Variants in UBQLN1 observed in about 807,000 individuals in gnomAD.
UBQLN1 encodes the protein ubiquilin 1.
A neutral mutation model predicts 65.4 loss-of-function variants in UBQLN1; 13 were observed. The ratio of observed to expected loss-of-function variants is 0.20; its 90% confidence interval spans 0.13 to 0.32. The LOEUF (loss-of-function observed/expected upper bound fraction) is 0.32, where lower values mean the gene tolerates loss of function less well. Among genes scored for constraint, UBQLN1 ranks in the 10% least tolerant of loss-of-function variants. The probability of loss-of-function intolerance (pLI) is 1.00; values close to 1 mark genes in which losing one functional copy is unlikely to be tolerated. For synonymous variants in UBQLN1, 267 were observed against 247.8 expected (o/e 1.08, Z -0.73); for missense variants, 561 against 724.0 (o/e 0.77, Z 2.58).
intron 1 of UBQLN1, among the ~76,000 whole-genome samples, chr9:83,687,774 A>C (rs534279397): frequency 5.9e-5 from 9 of 151,682 alleles, no homozygotes; most frequent in Non-Finnish European, 1.2e-4. Flanking sequence ...AGCCAATATA[A>C]ACAACTGATT....
At chr9:83,697,210 G>T (rs1186309369) in intron 1 of UBQLN1, among the ~76,000 whole-genome samples, 1 of 149,912 alleles carries the variant, frequency 6.7e-6, no homozygotes, top group East Asian at 2.0e-4. Context: ...GTATGAATTT[G>T]ATCACATTAT....
intron 6 of UBQLN1, 92 bp downstream of exon 6, chr9:83,677,635 A>G (rs1224689389): frequency 1.1e-6 from 1 of 901,462 alleles, no homozygotes; most frequent in South Asian, 1.8e-5. Flanking sequence ...CTATACATAC[A>G]CACAAAAGCA....
At position 83,704,587 on chromosome 9, in the gene UBQLN1, G is replaced by C. The variant is rs529512769; in HGVS notation, c.180+2913C>G. On this transcript the variant is annotated intron_variant, in intron 1 of 10. Coordinates refer to ENST00000376395, the MANE Select transcript of UBQLN1 (RefSeq NM_013438.5). ...CACACCTGTAATCCTAGCACTTTGG[G>C]AAGCCGAGGCAGGCGGATCACAAGA... is the stretch of plus-strand genomic sequence containing the variant. Among the ~76,000 whole-genome samples, 1,293 of 152,254 alleles carry C rather than the reference G, an allele frequency of 8.5e-3. 21 individuals carry two copies. The highest frequency in any genetic ancestry group is 0.029 in the African/African-American group (1,202 of 41,532).
At chr9:83,705,228 C>T (rs958975988) in intron 1 of UBQLN1, among the ~76,000 whole-genome samples, 26 of 149,042 alleles carry the variant, frequency 1.7e-4, no homozygotes, top group Non-Finnish European at 1.8e-4. Flanking sequence ...AGTATATGTG[C>T]TGCTGAAGCC....
chr9:83,703,822 A>G (rs1313101070), intron 1 of UBQLN1, among the ~76,000 whole-genome samples: 2 of 152,222 alleles, frequency 1.3e-5, no homozygotes. Context: ...ATAGCACTGT[A>G]AAAAATTAAG....
chr9:83,707,390 G>C, intron 1 of UBQLN1, 110 bp downstream of exon 1: 10 of 1,221,616 alleles, frequency 8.2e-6, no homozygotes, highest in Non-Finnish European at 1.1e-5. Flanking sequence ...ACGCCCGGGA[G>C]AATGGCCGAG....
In UBQLN1 at chr9:83,682,999, T is replaced by C. The variant is rs1204914458; in HGVS notation, c.400A>G (p.Asn134Asp). Residue 134 changes from asparagine (N) to aspartate (D), a missense_variant, in exon 3 of 11, where the codon AAT becomes GAT. This residue lies in a region of UBQLN1 where 87 missense variants were observed against 88.8 expected (regional missense o/e 0.98). Transcript: ENST00000376395. Reference protein sequence around the residue: ...GSNVTTSSTPNSNSTSGSATS... With the variant: ...GSNVTTSSTPDSNSTSGSATS... The stretch of plus-strand genomic sequence containing the variant: ...GCAGAACCAGATGTAGAGTTACTAT[T>C]AGGAGTTGATGATGTAGTAACATTG... The C allele has an allele frequency of 1.2e-6, 2 of 1,612,732 alleles. No homozygotes were observed. Among genetic ancestry groups the C allele is most frequent in the African/African-American group, 1.3e-5 (1 of 75,008 alleles).
At position 83,698,274 on chromosome 9, in the gene UBQLN1, GA is replaced by G. The variant is rs1832253732; in HGVS notation, c.180+9225del. 8.5e-5 allele frequency among the ~76,000 whole-genome samples: 13 copies of G among 152,228 alleles called. 1 individual carries two copies. The South Asian group carries it at 2.7e-3, about 32-fold the overall frequency. ...TGGCTGAAATGCAATGAAAACAGGA[GA>G]AAAGGCAGGTGGAAGCACATCCTGA... On this transcript the variant is annotated intron_variant, in intron 1 of 10. Coordinates refer to ENST00000376395, the MANE Select transcript of UBQLN1 (RefSeq NM_013438.5).
chr9:83,666,214 C>T (rs1831640747), intron 8 of UBQLN1, 136 bp downstream of exon 8: 1 of 743,772 alleles, frequency 1.3e-6, no homozygotes, highest in Non-Finnish European at 2.2e-6. Context: ...AAGCTGAATT[C>T]TCTACGAATT....
chr9:83,662,979 G>A (rs1431001461), intron 10 of UBQLN1, among the ~76,000 whole-genome samples: 2 of 151,996 alleles, frequency 1.3e-5, no homozygotes, highest in African/African-American at 4.8e-5. Context: ...CAGAGGCTAA[G>A]GTGGGAGGAT....
intron 10 of UBQLN1, 109 bp from the exon 11 acceptor site, chr9:83,662,048 A>T: frequency 1.0e-6 from 1 of 991,648 alleles, no homozygotes; most frequent in Non-Finnish European, 1.4e-6. Context: ...TGATCTACTG[A>T]GCTTTAAAAA....
intron 1 of UBQLN1, 123 bp from the exon 2 acceptor site, chr9:83,686,278 A>G: frequency 3.1e-6 from 2 of 637,308 alleles, no homozygotes; most frequent in Non-Finnish European, 4.8e-6. Flanking sequence ...CATAATCCCA[A>G]TGTTCCAGGA....
Position 83,677,925 on chromosome 9 carries a change from T to C in UBQLN1, c.907A>G (p.Thr303Ala). The C allele has an allele frequency of 6.2e-7, 1 of 1,614,058 alleles. No homozygotes were observed. The highest frequency in any genetic ancestry group is 8.5e-7 in the Non-Finnish European group (1 of 1,179,960). Residue 303 changes from threonine to alanine, a missense_variant, in exon 6 of 11, where the codon ACA (threonine) becomes GCA (alanine). Transcript: ENST00000376395. ...GGTTGACTACCTTCACCAGAGGATGTATTGCTCACCAAGGAAGCAAATGGA... is the reference window on the plus strand; with the variant it reads ...GGTTGACTACCTTCACCAGAGGATGCATTGCTCACCAAGGAAGCAAATGGA... ...GNPFASLVSN[T>A]SSGEGSQPSR... is the part of the protein sequence containing the mutation.
intron 7 of UBQLN1, 156 bp downstream of exon 7, chr9:83,669,029 G>T: frequency 1.2e-6 from 1 of 832,940 alleles, no homozygotes; most frequent in Non-Finnish European, 1.7e-6. Flanking sequence ...TTACTGCAAA[G>T]AAACACACGG....
intron 1 of UBQLN1, among the ~76,000 whole-genome samples, chr9:83,697,596 C>T (rs1832239530): frequency 6.7e-6 from 1 of 150,196 alleles, no homozygotes; most frequent in Non-Finnish European, 1.5e-5. Flanking sequence ...CCCTCTGTCG[C>T]CCAGGCTGGA....
intron 6 of UBQLN1, among the ~76,000 whole-genome samples, chr9:83,673,878 T>C (rs1831782334): frequency 6.6e-6 from 1 of 152,108 alleles, no homozygotes; most frequent in South Asian, 2.1e-4. Context: ...CACAGCTCAC[T>C]GCAGCCTTAA....
Position 83,697,727 on chromosome 9 carries a change from T to G in UBQLN1, c.180+9773A>C, listed in dbSNP as rs117399917. ...TGCACCACCACACGCGGCTATTTTT[T>G]GTACCCTTTTTTTTTTTTTTTTTTT... On this transcript the variant is annotated intron_variant, in intron 1 of 10. Transcript: ENST00000376395. Among the ~76,000 whole-genome samples the G allele has an allele frequency of 6.9e-3, 954 of 137,900 alleles. 26 individuals are homozygous for G. Among genetic ancestry groups the G allele is most frequent in the East Asian group, 0.047 (193 of 4,144 alleles). 90.5% of individuals were successfully genotyped at this position (137,900 alleles called of 152,430 possible).
intron 7 of UBQLN1, 83 bp downstream of exon 7, chr9:83,669,102 C>A: frequency 1.3e-6 from 2 of 1,504,492 alleles, no homozygotes; most frequent in South Asian, 2.6e-5. Context: ...ATACACAACA[C>A]AAATGTGCCA....
At chr9:83,690,226 T>C (rs982435155) in intron 1 of UBQLN1, among the ~76,000 whole-genome samples, 7 of 152,292 alleles carry the variant, frequency 4.6e-5, no homozygotes, top group African/African-American at 1.7e-4. Flanking sequence ...AAATAAACTA[T>C]AGTATAGTCA....
Sources: allele counts gnomAD v4.1 joint callset (sites outside exome capture counted in the v4.1 genomes callset), GRCh38; gene constraint gnomAD v4.1.1; regional missense constraint gnomAD v4.1.1; transcripts MANE v1.5; gene names NCBI Gene and HGNC (gene_info 2026-07-23, HGNC 2026-07-21).